Variants in RIMS1 observed in about 807,000 individuals in gnomAD.
RIMS1 encodes the protein regulating synaptic membrane exocytosis protein 1.
A neutral mutation model predicts 214.1 loss-of-function variants in RIMS1; 83 were observed. That is an observed-to-expected ratio of 0.39 (90% CI 0.32 to 0.47). RIMS1 has a LOEUF of 0.47. Ranked by LOEUF, RIMS1 falls within the 20% of genes least tolerant of loss-of-function variation. RIMS1 has a pLI of 0.99. For synonymous variants in RIMS1, 793 were observed against 786.8 expected (o/e 1.01, Z -0.13); for missense variants, 2,050 against 2,161.8 (o/e 0.95, Z 1.03).
At position 72,323,841 on chromosome 6, in the gene RIMS1, C is replaced by A. The variant is rs550121724; in HGVS notation, c.4131-9759C>A. Among the ~76,000 whole-genome samples the A allele has an allele frequency of 2.6e-5, 4 of 151,896 alleles. No homozygotes were observed. The South Asian group carries it at 8.3e-4, about 32-fold the overall frequency. ...TCTCAGGGGAAAAAAGAGATAATAT[C>A]TTTGGAGAAGCAAAGATATGACTAG... On this transcript the variant is annotated intron_variant, in intron 28 of 33. Transcript: ENST00000521978.
intron 29 of RIMS1, among the ~76,000 whole-genome samples, chr6:72,374,802 T>C (rs1475458027): frequency 6.6e-6 from 1 of 152,172 alleles, no homozygotes; most frequent in Non-Finnish European, 1.5e-5. Flanking sequence ...TATAATGAAA[T>C]AATTATACAA....
intron 6 of RIMS1, among the ~76,000 whole-genome samples, chr6:72,201,489 A>T (rs1435416376): frequency 6.6e-6 from 1 of 152,142 alleles, no homozygotes; most frequent in Admixed American, 6.5e-5. Context: ...GGTTGTCCTT[A>T]TTTTGGTTCA....
At chr6:72,388,448 T>G (rs143952357) in intron 29 of RIMS1, among the ~76,000 whole-genome samples, 16 of 152,274 alleles carry the variant, frequency 1.1e-4, no homozygotes, top group African/African-American at 3.9e-4. Flanking sequence ...CGATAACAAT[T>G]TTGGATTTTC....
chr6:72,251,131 A>T, intron 14 of RIMS1, 39 bp downstream of exon 14: 1 of 1,557,728 alleles, frequency 6.4e-7, no homozygotes, highest in South Asian at 1.2e-5. Flanking sequence ...AATAGTTAAT[A>T]AAGTTTTGTG....
intron 2 of RIMS1, among the ~76,000 whole-genome samples, chr6:72,020,212 A>G (rs2151934292): frequency 6.6e-6 from 1 of 152,346 alleles, no homozygotes; most frequent in South Asian, 2.1e-4. Flanking sequence ...TGCTACTAAT[A>G]CTATAATGAT....
intron 1 of RIMS1, among the ~76,000 whole-genome samples, chr6:71,908,434 G>A (rs993639023): frequency 6.6e-6 from 1 of 152,144 alleles, no homozygotes; most frequent in African/African-American, 2.4e-5. Context: ...AGGGATACTG[G>A]GAGGGAGACC....
chr6:72,093,210 G>GTGTATATATATA (rs1562294267), intron 2 of RIMS1, among the ~76,000 whole-genome samples: 2 of 56,496 alleles, frequency 3.5e-5, no homozygotes, highest in South Asian at 1.6e-3. Flanking sequence ...ATGTATGTGA[G>GTGTATATATATA]TATATATATA....
intron 1 of RIMS1, among the ~76,000 whole-genome samples, chr6:71,922,034 T>A (rs1780158082): frequency 6.6e-6 from 1 of 152,220 alleles, no homozygotes; most frequent in African/African-American, 2.4e-5. Context: ...TACATATGTA[T>A]ACTCACCCAG....
chr6:71,926,646 A>T (rs1211205522), intron 1 of RIMS1, among the ~76,000 whole-genome samples: 3 of 152,224 alleles, frequency 2.0e-5, no homozygotes, highest in Non-Finnish European at 2.9e-5. Flanking sequence ...GATATGGTTG[A>T]TACCCGTCAA....
At chr6:71,901,946 G>A (rs1335982716) in intron 1 of RIMS1, among the ~76,000 whole-genome samples, 1 of 152,040 alleles carries the variant, frequency 6.6e-6, no homozygotes, top group Non-Finnish European at 1.5e-5. Flanking sequence ...ATGGGAGAAA[G>A]ATGAATAAAA....
chr6:72,098,375 A>G (rs1359313892), intron 3 of RIMS1, among the ~76,000 whole-genome samples: 3 of 147,958 alleles, frequency 2.0e-5, no homozygotes, highest in Non-Finnish European at 3.0e-5. Flanking sequence ...GCTCACCGCC[A>G]TCTCCACCTC....
intron 26 of RIMS1, among the ~76,000 whole-genome samples, chr6:72,305,688 A>G (rs566911514): frequency 3.3e-5 from 5 of 152,212 alleles, no homozygotes; most frequent in Admixed American, 2.6e-4. Flanking sequence ...TTAACTCCTT[A>G]TATGTTGCCA....
chr6:71,924,655 A>AAAAAAAAAAAAG (rs1781045219), intron 1 of RIMS1, among the ~76,000 whole-genome samples: 1 of 148,778 alleles, frequency 6.7e-6, no homozygotes, highest in African/African-American at 2.6e-5. Context: ...AAAATGCAGA[A>AAAAAAAAAAAAG]AATTAGCTGA....
At chr6:72,294,183 T>C (rs1322408759) in intron 26 of RIMS1, among the ~76,000 whole-genome samples, 2 of 151,774 alleles carry the variant, frequency 1.3e-5, no homozygotes, top group Non-Finnish European at 3.0e-5. Context: ...ACATGACAGC[T>C]TTGTTTGTCC....
chr6:72,186,388 C>T (rs2153974988), intron 6 of RIMS1, among the ~76,000 whole-genome samples: 1 of 152,310 alleles, frequency 6.6e-6, no homozygotes, highest in East Asian at 1.9e-4. Flanking sequence ...AATAAATGAA[C>T]TTAAAACTCC....
intron 2 of RIMS1, among the ~76,000 whole-genome samples, chr6:72,032,552 G>T (rs1186067256): frequency 6.6e-6 from 1 of 152,068 alleles, no homozygotes. Flanking sequence ...GAGGAGTTCT[G>T]TCTGTATAAA....
chr6:72,076,500 C>T (rs1223183269), intron 2 of RIMS1, among the ~76,000 whole-genome samples: 1 of 152,164 alleles, frequency 6.6e-6, no homozygotes, highest in Non-Finnish European at 1.5e-5. Flanking sequence ...CACCTAATTA[C>T]CTTTCAAATG....
chr6:72,216,579 G>A, intron 6 of RIMS1: 1 of 985,566 alleles, frequency 1.0e-6, no homozygotes, highest in South Asian at 4.7e-5. Flanking sequence ...GAAATGATCT[G>A]TTACACAGGG....
At chr6:72,236,783 T>TA (rs11326772) in intron 8 of RIMS1, among the ~76,000 whole-genome samples, 26,220 of 128,204 alleles carry the variant, frequency 0.2, 3,188 homozygotes, top group Non-Finnish European at 0.29. Flanking sequence ...GCTGATGAGC[T>TA]AAAAAAAAAA....
Sources: gnomAD v4.1 joint callset for allele counts (sites outside exome capture counted in the v4.1 genomes callset) on GRCh38, gnomAD v4.1.1 for gene constraint, MANE v1.5 for transcripts, NCBI Gene and HGNC (gene_info 2026-07-23, HGNC 2026-07-21) for gene names.